Variants in PHACTR4 observed in about 807,000 individuals in gnomAD.
The protein encoded by PHACTR4 is protein phosphatase 1, regulatory subunit 124.
PHACTR4 carries 51 observed loss-of-function variants against 72.7 expected under a neutral mutation model. That is an observed-to-expected ratio of 0.70 (90% CI 0.56 to 0.89). PHACTR4 has a LOEUF of 0.89. Ranked by LOEUF, PHACTR4 falls within the 40% of genes least tolerant of loss-of-function variation. The probability of loss-of-function intolerance (pLI) is 0.00; values close to 1 mark genes in which losing one functional copy is unlikely to be tolerated. For synonymous variants in PHACTR4, 255 were observed against 302.5 expected, an observed-to-expected ratio of 0.84 and a Z score of 1.63; for missense variants, 731 against 861.8, an observed-to-expected ratio of 0.85 and a Z score of 1.90.
chr1:28,456,766 G>A (rs1289477690), intron 2 of PHACTR4, among the ~76,000 whole-genome samples: 1 of 151,430 alleles, frequency 6.6e-6, no homozygotes, highest in Non-Finnish European at 1.5e-5. Flanking sequence ...CTATTTGCCT[G>A]TAATCTCAGC....
At chr1:28,396,699 C>T (rs1216271495) in intron 1 of PHACTR4, among the ~76,000 whole-genome samples, 2 of 148,128 alleles carry the variant, frequency 1.4e-5, no homozygotes, top group Admixed American at 6.8e-5. Context: ...GTTCTTGTCT[C>T]CCAGGCTGGA....
At chr1:28,395,433 A>G (rs1170898415) in intron 1 of PHACTR4, among the ~76,000 whole-genome samples, 1 of 152,098 alleles carries the variant, frequency 6.6e-6, no homozygotes, top group Non-Finnish European at 1.5e-5. Context: ...ATTAGCACGC[A>G]ATGCTTTTGC....
intron 6 of PHACTR4, chr1:28,467,290 AGATTT>A (rs1440162945): frequency 1.3e-5 from 2 of 152,930 alleles, no homozygotes; most frequent in Non-Finnish European, 1.5e-5. Flanking sequence ...CACTAAGATT[AGATTT>A]AAGTTTTGGG....
intron 13 of PHACTR4, among the ~76,000 whole-genome samples, chr1:28,495,872 C>T (rs894201615): frequency 3.3e-5 from 5 of 151,980 alleles, no homozygotes; most frequent in Admixed American, 2.0e-4. Flanking sequence ...TCACCTTGGC[C>T]TCCCAAAGTG....
chr1:28,483,228 G>A (rs565655319), intron 9 of PHACTR4, among the ~76,000 whole-genome samples: 3 of 151,604 alleles, frequency 2.0e-5, no homozygotes, highest in Admixed American at 2.0e-4. Context: ...ACCCTGTCTC[G>A]ACAAAAAAAC....
At chr1:28,447,051 C>T (rs1346755587) in intron 2 of PHACTR4, among the ~76,000 whole-genome samples, 1 of 147,348 alleles carries the variant, frequency 6.8e-6, no homozygotes, top group Non-Finnish European at 1.5e-5. Context: ...CACTTTGTTG[C>T]CCAGGCTGGA....
intron 2 of PHACTR4, among the ~76,000 whole-genome samples, chr1:28,420,140 G>C (rs1655416892): frequency 6.6e-6 from 1 of 152,112 alleles, no homozygotes; most frequent in Non-Finnish European, 1.5e-5. Flanking sequence ...TGTGGTCCCA[G>C]CCACTCAGGA....
intron 1 of PHACTR4, among the ~76,000 whole-genome samples, chr1:28,382,327 A>G (rs1336253854): frequency 6.6e-6 from 1 of 150,656 alleles, no homozygotes; most frequent in Admixed American, 6.6e-5. Flanking sequence ...TTTTTGAGAC[A>G]GAGTCTCCCT....
intron 3 of PHACTR4, 82 bp from the exon 4 acceptor site, chr1:28,460,130 T>C (rs1290175011): frequency 2.3e-6 from 2 of 857,008 alleles, no homozygotes; most frequent in African/African-American, 1.7e-5. Context: ...TTTATTCTTT[T>C]ACCTGTAGAA....
At chr1:28,477,109 A>G (rs1659976640) in intron 8 of PHACTR4, among the ~76,000 whole-genome samples, 1 of 140,210 alleles carries the variant, frequency 7.1e-6, no homozygotes, top group Non-Finnish European at 1.5e-5. Flanking sequence ...TTTTTTAGAC[A>G]GAGTCTTGCT....
intron 2 of PHACTR4, among the ~76,000 whole-genome samples, chr1:28,425,392 C>T (rs1655775465): frequency 6.6e-6 from 1 of 152,210 alleles, no homozygotes; most frequent in South Asian, 2.1e-4. Flanking sequence ...GCTGGGATTA[C>T]AGGAGTGAGC....
At chr1:28,429,360 T>TA (rs1162873606) in intron 2 of PHACTR4, among the ~76,000 whole-genome samples, 1 of 152,184 alleles carries the variant, frequency 6.6e-6, no homozygotes, top group Non-Finnish European at 1.5e-5. Context: ...CACATGAACA[T>TA]ACCATTTTTT....
At chr1:28,410,520 T>C (rs1654712263) in intron 2 of PHACTR4, among the ~76,000 whole-genome samples, 2 of 152,152 alleles carry the variant, frequency 1.3e-5, no homozygotes, top group South Asian at 4.1e-4. Context: ...ATTAAACAAT[T>C]AAATTAAACT....
intron 2 of PHACTR4, among the ~76,000 whole-genome samples, chr1:28,439,990 T>C (rs1385142443): frequency 6.6e-6 from 1 of 152,082 alleles, no homozygotes; most frequent in Non-Finnish European, 1.5e-5. Flanking sequence ...CCATCTAAGA[T>C]CTATATACTG....
intron 2 of PHACTR4, among the ~76,000 whole-genome samples, chr1:28,410,215 C>T (rs1654684333): frequency 6.6e-6 from 1 of 151,856 alleles, no homozygotes; most frequent in Admixed American, 6.6e-5. Flanking sequence ...ATCTGCCCAC[C>T]TTGGCCTCCC....
intron 1 of PHACTR4, among the ~76,000 whole-genome samples, chr1:28,397,090 T>G (rs1653573880): frequency 2.0e-5 from 3 of 152,106 alleles, no homozygotes; most frequent in African/African-American, 7.2e-5. Context: ...CTTGATGGTG[T>G]TTTTAGACAT....
intron 1 of PHACTR4, among the ~76,000 whole-genome samples, chr1:28,377,317 C>T (rs1651760876): frequency 6.6e-6 from 1 of 151,132 alleles, no homozygotes; most frequent in Non-Finnish European, 1.5e-5. Flanking sequence ...CAGCACACTG[C>T]AACCTCCGCC....
intron 2 of PHACTR4, among the ~76,000 whole-genome samples, chr1:28,424,714 T>C (rs1332915543): frequency 1.3e-5 from 2 of 152,022 alleles, no homozygotes; most frequent in Non-Finnish European, 2.9e-5. Flanking sequence ...GGTCTCGATA[T>C]CCTGACCTTG....
At chr1:28,373,413 C>A (rs1421500504) in intron 1 of PHACTR4, among the ~76,000 whole-genome samples, 3 of 151,962 alleles carry the variant, frequency 2.0e-5, no homozygotes, top group Non-Finnish European at 4.4e-5. Flanking sequence ...GCCTCAGCCT[C>A]CTGAGTAGCT....
Sources: gnomAD v4.1 joint callset for allele counts (sites outside exome capture counted in the v4.1 genomes callset) on GRCh38, gnomAD v4.1.1 for gene constraint, MANE v1.5 for transcripts, NCBI Gene and HGNC (gene_info 2026-07-23, HGNC 2026-07-21) for gene names.